TEN1: variants seen among roughly 807,000 people sequenced by gnomAD.
TEN1 encodes the protein TEN1 subunit of CST complex.
A neutral mutation model predicts 9.3 loss-of-function variants in TEN1; 6 were observed. The ratio of observed to expected loss-of-function variants is 0.65; its 90% CI spans 0.35 to 1.27. The LOEUF is 1.27. Among genes scored for constraint, TEN1 ranks in the 50% most tolerant of loss-of-function variants. The pLI is 0.03. For synonymous variants in TEN1, 65 were observed against 65.6 expected, an observed-to-expected ratio of 0.99 and a Z score of 0.04; for missense variants, 149 against 158.2, an observed-to-expected ratio of 0.94 and a Z score of 0.31.
chr17:75,994,667 A>G (rs947972442), intron 3 of TEN1, among the ~76,000 whole-genome samples: 2 of 151,872 alleles, frequency 1.3e-5, no homozygotes, highest in African/African-American at 2.4e-5. Flanking sequence ...TAGTAGAGAC[A>G]GGGTTTCACC....
Position 75,979,388 on chromosome 17 carries a change from A to C in TEN1, c.-130A>C. On this transcript the variant is annotated 5_prime_UTR_variant, in exon 1 of 4. Coordinates refer to ENST00000397640, the MANE Select transcript of TEN1 (RefSeq NM_001113324.3). ...GGGAAAGGGGCTCCGAAGGTCAAGA[A>C]ACTGCCCTGCTGGGCGTCCGGGGAG... 1 of 506,072 alleles carries C rather than the reference A, an allele frequency of 2.0e-6. No homozygotes were observed. Among genetic ancestry groups the C allele is most frequent in the Non-Finnish European group, 3.6e-6 (1 of 277,674 alleles). 31.3% of individuals were successfully genotyped at this position (506,072 alleles called of 1,614,324 possible).
At chr17:75,998,247 G>A (rs189715473) in intron 3 of TEN1, among the ~76,000 whole-genome samples, 165 of 146,288 alleles carry the variant, frequency 1.1e-3, no homozygotes, top group Middle Eastern at 3.7e-3. Context: ...GGCTCACTGC[G>A]ACATCCACCT....
chr17:76,000,221 G>C lies in TEN1; in HGVS notation c.331G>C (p.Glu111Gln). 3 of 1,551,450 alleles carry C rather than the reference G, an allele frequency of 1.9e-6. No individual in the cohort carries two copies. The highest frequency in any genetic ancestry group is 2.6e-6 in the Non-Finnish European group (3 of 1,146,974). ...GCCCTTGTTGGAACAAGCCATCCGG[G>C]AGCAGAGACTGTACAAGCAGGAGCG... ...NLPLLEQAIREQRLYKQERGG... is the reference protein window; with the variant it reads ...NLPLLEQAIRQQRLYKQERGG... The change falls in exon 4 of 4, where the codon GAG becomes CAG. Residue 111 changes from glutamate to glutamine, a missense_variant. Glu to Gln is a conservative substitution (Grantham distance 29). Transcript: ENST00000397640. This position sits in a 1 kb window ranked among gnomAD's most constrained non-coding sequence, Gnocchi z 5.9.
intron 1 of TEN1, among the ~76,000 whole-genome samples, chr17:75,984,396 T>A (rs11867946): frequency 0.052 from 7,960 of 152,246 alleles, 674 homozygotes; most frequent in African/African-American, 0.18. Context: ...TTCATTTTTT[T>A]AAATTTAATT....
intron 1 of TEN1, among the ~76,000 whole-genome samples, chr17:75,981,596 G>GC (rs2066120170): frequency 7.6e-6 from 1 of 132,338 alleles, no homozygotes; most frequent in Admixed American, 7.7e-5. Context: ...AAAGCAAGTT[G>GC]TTTTTTTTTT....
Position 76,000,373 on chromosome 17 carries a change from C to T in TEN1, c.*111C>T, listed in dbSNP as rs2066247504. The T allele has an allele frequency of 1.1e-5, 15 of 1,409,128 alleles. No individual in the cohort carries two copies. The highest frequency in any genetic ancestry group is 1.5e-5 in the South Asian group (1 of 66,042). The allele number at this position is 1,409,128 out of a possible 1,614,324, so 87.3% of individuals were successfully genotyped here. A position where few individuals can be genotyped will look rare whatever the true frequency, so the allele number is the denominator to read the frequency against. ...CCCAGCGACGGCCTTGTCTGGAGCT[C>T]GAAAGCCGAGGGGCGGGTGATGAAT... On this transcript the variant is annotated 3_prime_UTR_variant, in exon 4 of 4. Transcript: ENST00000397640. The surrounding 1 kb of genome is among the most constrained non-coding windows in gnomAD (Gnocchi z 5.9).
chr17:75,987,476 A>G (rs1050853691), intron 2 of TEN1, among the ~76,000 whole-genome samples: 1 of 152,246 alleles, frequency 6.6e-6, no homozygotes, highest in Non-Finnish European at 1.5e-5. Flanking sequence ...CTTAGCTTCC[A>G]GAGTCAGTCT....
chr17:75,981,976 G>A (rs2066123908), intron 1 of TEN1, among the ~76,000 whole-genome samples: 1 of 152,112 alleles, frequency 6.6e-6, no homozygotes, highest in African/African-American at 2.4e-5. Context: ...GCAGTGAGCC[G>A]AGATTGCACC....
chr17:75,993,130 G>A lies in TEN1; in HGVS notation c.250+1507G>A, dbSNP rs368654433. On this transcript the variant is annotated intron_variant, in intron 3 of 3. Transcript: ENST00000397640. ...TTTCTTTTTTTTTTTTTTTTGAGAC[G>A]GAGTGTCGCTCTCGCCAGGCTGGAG... Among the ~76,000 whole-genome samples the A allele has an allele frequency of 2.3e-4, 30 of 131,754 alleles. No homozygotes were observed. In the East Asian group the frequency reaches 5.9e-3, roughly 26 times the overall value. 86.4% of individuals were successfully genotyped at this position (131,754 alleles called of 152,430 possible).
chr17:75,979,878 G>C (rs1598207870), intron 1 of TEN1, among the ~76,000 whole-genome samples: 1 of 151,280 alleles, frequency 6.6e-6, no homozygotes, highest in East Asian at 2.0e-4. Flanking sequence ...AGGGGTGGAC[G>C]GGGACTTAGA....
chr17:75,991,753 T>C, intron 3 of TEN1, 130 bp downstream of exon 3: 1 of 1,188,076 alleles, frequency 8.4e-7, no homozygotes, highest in Non-Finnish European at 1.1e-6. Context: ...TCTTCCAAAT[T>C]AGCCCACAAG....
At chr17:75,981,300 C>T (rs1265086150) in intron 1 of TEN1, among the ~76,000 whole-genome samples, 3 of 151,928 alleles carry the variant, frequency 2.0e-5, no homozygotes, top group African/African-American at 7.3e-5. Context: ...GATTCTCATG[C>T]CTCAGCCTCC....
In TEN1 at chr17:76,000,245, C is replaced by G. The variant is rs772974788; in HGVS notation, c.355C>G (p.Arg119Gly). ...IREQRLYKQERGGSQ is the reference protein window; with the variant it reads ...IREQRLYKQEGGGSQ ...GGAGCAGAGACTGTACAAGCAGGAG[C>G]GGGGCGGCAGCCAGTAGGAAACAGC... The change falls in exon 4 of 4, where the codon CGG (arginine) becomes GGG (glycine). Residue 119 changes from arginine (R) to glycine (G), a missense_variant. Coordinates refer to ENST00000397640, the MANE Select transcript of TEN1 (RefSeq NM_001113324.3). This position sits in a 1 kb window ranked among gnomAD's most constrained non-coding sequence, Gnocchi z 5.9. 6.4e-7 allele frequency: 1 copy of G among 1,550,928 alleles called. No homozygotes were observed. Among genetic ancestry groups the G allele is most frequent in the African/African-American group, 1.4e-5 (1 of 73,158 alleles).
chr17:76,000,508 C>CGG lies in TEN1; in HGVS notation c.*249_*250dup. The stretch of plus-strand genomic sequence containing the variant: ...ACTGCAGGTGGCCGAGCTTGGGCGC[C>CGG]GGGGCCGTGCTTGGTGTGGGGCCAT... On this transcript the variant is annotated 3_prime_UTR_variant, in exon 4 of 4. Transcript: ENST00000397640. The surrounding 1 kb of genome is among the most constrained non-coding windows in gnomAD (Gnocchi z 5.9). The CGG allele has an allele frequency of 9.2e-6, 5 of 543,186 alleles. No homozygotes were observed. The South Asian group carries it at 1.3e-4, about 14-fold the overall frequency. 33.6% of individuals were successfully genotyped at this position (543,186 alleles called of 1,614,324 possible).
At chr17:75,981,040 G>A (rs899447847) in intron 1 of TEN1, among the ~76,000 whole-genome samples, 1 of 152,164 alleles carries the variant, frequency 6.6e-6, no homozygotes, top group Non-Finnish European at 1.5e-5. Context: ...TGCTCTTAAT[G>A]TAACAATGAT....
At position 75,986,176 on chromosome 17, in the gene TEN1, T is replaced by A; in HGVS notation, c.-6-11T>A. 6.5e-7 allele frequency: 1 copy of A among 1,536,056 alleles called. No homozygotes were observed. Among genetic ancestry groups the A allele is most frequent in the Non-Finnish European group, 8.8e-7 (1 of 1,139,504 alleles). On this transcript the variant is annotated splice_polypyrimidine_tract_variant and intron_variant, in intron 1 of 3. Transcript: ENST00000397640. ...GAATCTTCAAAATCCCTCTCAACTA[T>A]TTGGTTACAGGAGCCCATGATGCTG...
intron 1 of TEN1, among the ~76,000 whole-genome samples, chr17:75,981,995 C>T (rs556572044): frequency 7.9e-5 from 12 of 152,262 alleles, no homozygotes; most frequent in African/African-American, 2.9e-4. Flanking sequence ...CCACTGCATT[C>T]CAGCCTGGGC....
intron 2 of TEN1, among the ~76,000 whole-genome samples, chr17:75,986,812 A>G (rs1420693016): frequency 2.0e-5 from 3 of 152,098 alleles, no homozygotes; most frequent in Non-Finnish European, 4.4e-5. Context: ...AAAGTCACCC[A>G]TAATCCCATT....
intron 1 of TEN1, among the ~76,000 whole-genome samples, chr17:75,985,523 T>TTGTC (rs916438084): frequency 3.3e-5 from 5 of 152,188 alleles, no homozygotes; most frequent in African/African-American, 1.2e-4. Flanking sequence ...TTTTGTTTGT[T>TTGTC]TGTCTTGCTT....
Sources: gnomAD v4.1 joint callset for allele counts (sites outside exome capture counted in the v4.1 genomes callset) on GRCh38, gnomAD v4.1.1 for gene constraint, Gnocchi (gnomAD v3.1) non-coding constraint, MANE v1.5 for transcripts, NCBI Gene and HGNC (gene_info 2026-07-23, HGNC 2026-07-21) for gene names.